Variants in ANKRD11 observed in about 807,000 individuals in gnomAD.
ANKRD11 encodes the protein ankyrin repeat domain 11.
ANKRD11 carries 17 observed loss-of-function variants against 195.7 expected under a neutral mutation model. That is an observed-to-expected ratio of 0.09 (90% confidence interval 0.06 to 0.13). The LOEUF (loss-of-function observed/expected upper bound fraction) is 0.13, where lower values mean the gene tolerates loss of function less well. Among genes scored for constraint, ANKRD11 ranks in the 10% least tolerant of loss-of-function variants. The pLI is 1.00. For missense variants in ANKRD11, 3,735 were observed against 3,566.1 expected (o/e 1.05, Z -1.21); for synonymous variants, 1,953 against 1,528.1 (o/e 1.28, Z -6.49).
chr16:89,288,201 G>A lies in ANKRD11; in HGVS notation c.744+327C>T, dbSNP rs866376932. On this transcript the variant is annotated intron_variant, in intron 7 of 12. Transcript: ENST00000301030. ...GGTCTAACAGTCCCACAGTGGTGACGGGGACCGGCAGCAACTCCTGCAGGC... is the reference window on the plus strand; with the variant it reads ...GGTCTAACAGTCCCACAGTGGTGACAGGGACCGGCAGCAACTCCTGCAGGC... 22 of 610,898 alleles carry A rather than the reference G, an allele frequency of 3.6e-5. 1 individual carries two copies. The Middle Eastern group carries it at 1.3e-3, about 36-fold the overall frequency. 37.8% of individuals were successfully genotyped at this position (610,898 alleles called of 1,614,324 possible).
intron 1 of ANKRD11, among the ~76,000 whole-genome samples, chr16:89,427,535 G>A (rs1228973032): frequency 1.3e-5 from 2 of 152,288 alleles, no homozygotes; most frequent in South Asian, 2.1e-4. Flanking sequence ...GGTGGCTCAC[G>A]CCTGTAATCA....
chr16:89,394,254 C>G (rs922304693), intron 2 of ANKRD11, among the ~76,000 whole-genome samples: 2 of 152,210 alleles, frequency 1.3e-5, no homozygotes, highest in African/African-American at 4.8e-5. Flanking sequence ...AGTGGTCTCC[C>G]ATGTCCCTGG....
intron 1 of ANKRD11, among the ~76,000 whole-genome samples, chr16:89,487,135 C>T (rs1392964206): frequency 6.6e-6 from 1 of 152,044 alleles, no homozygotes; most frequent in East Asian, 1.9e-4. Context: ...TCAAACGGGC[C>T]ACACTGAATT....
chr16:89,478,135 A>G (rs914159593), intron 1 of ANKRD11, among the ~76,000 whole-genome samples: 2 of 152,198 alleles, frequency 1.3e-5, no homozygotes, highest in African/African-American at 2.4e-5. Context: ...CACTTTCAGG[A>G]ACAGTTCCCA....
At chr16:89,296,592 TG>T (rs1249800774) in intron 4 of ANKRD11, among the ~76,000 whole-genome samples, 1 of 152,218 alleles carries the variant, frequency 6.6e-6, no homozygotes, top group East Asian at 1.9e-4. Flanking sequence ...TGATACTCCA[TG>T]GTTTTAACTC....
At chr16:89,413,744 G>A (rs1256944650) in intron 2 of ANKRD11, among the ~76,000 whole-genome samples, 3 of 152,208 alleles carry the variant, frequency 2.0e-5, no homozygotes, top group Non-Finnish European at 2.9e-5. Context: ...AGCATTCTAC[G>A]GCAGGACACA....
intron 1 of ANKRD11, among the ~76,000 whole-genome samples, chr16:89,484,223 T>C (rs930143826): frequency 2.6e-5 from 4 of 152,258 alleles, no homozygotes; most frequent in African/African-American, 4.8e-5. Context: ...TTTTTGGTTT[T>C]TTACTTTTAT....
At chr16:89,452,842 T>C (rs2044145755) in intron 1 of ANKRD11, among the ~76,000 whole-genome samples, 1 of 151,994 alleles carries the variant, frequency 6.6e-6, no homozygotes, top group Non-Finnish European at 1.5e-5. Context: ...GAGGTCCTAT[T>C]CCCCTCACTA....
chr16:89,381,355 G>A (rs1297527058), intron 2 of ANKRD11, among the ~76,000 whole-genome samples: 1 of 25,480 alleles, frequency 3.9e-5, no homozygotes, highest in Admixed American at 3.5e-4. Flanking sequence ...AAAAAAAAAA[G>A]GGGTGAGAAG....
At chr16:89,444,731 C>A (rs2043704454) in intron 1 of ANKRD11, among the ~76,000 whole-genome samples, 1 of 152,140 alleles carries the variant, frequency 6.6e-6, no homozygotes, top group Admixed American at 6.5e-5. Flanking sequence ...ATGGCATGAG[C>A]CCATGAGCTC....
rs1345009002 is a variant in ANKRD11, at chr16:89,490,543, C to T, written c.-443G>A. 10 of 455,742 alleles carry T rather than the reference C, an allele frequency of 2.2e-5. No homozygotes were observed. The Admixed American group carries it at 3.4e-4, about 16-fold the overall frequency. The allele number at this position is 455,742 out of a possible 1,614,324, so 28.2% of individuals were successfully genotyped here. ...GCTGGGGCCCTCGGTCCATCGCGCACCGTCTCAGGGCGGCCTCTGGCTCCA... is the reference window on the plus strand; with the variant it reads ...GCTGGGGCCCTCGGTCCATCGCGCATCGTCTCAGGGCGGCCTCTGGCTCCA... On this transcript the variant is annotated 5_prime_UTR_variant, in exon 1 of 13. In the 5' UTR this introduces an upstream ATG that the reference lacks. Coordinates refer to ENST00000301030, the MANE Select transcript of ANKRD11 (RefSeq NM_013275.6).
intron 2 of ANKRD11, among the ~76,000 whole-genome samples, chr16:89,327,212 G>A (rs971349796): frequency 1.3e-5 from 2 of 152,166 alleles, no homozygotes; most frequent in Non-Finnish European, 2.9e-5. Flanking sequence ...ACAAGCTAAA[G>A]AAGAAACACC....
At chr16:89,304,545 A>G (rs1414862969) in intron 4 of ANKRD11, among the ~76,000 whole-genome samples, 2 of 148,392 alleles carry the variant, frequency 1.3e-5, no homozygotes, top group Non-Finnish European at 3.0e-5. Context: ...GGTACACACA[A>G]GCACATACAC....
At chr16:89,277,376 G>A (rs1481853402) in intron 9 of ANKRD11, 1 of 152,278 alleles carries the variant, frequency 6.6e-6, no homozygotes, top group East Asian at 1.9e-4. Context: ...CTAGGTCTGG[G>A]GGGTACTCAA....
intron 1 of ANKRD11, among the ~76,000 whole-genome samples, chr16:89,424,435 C>T (rs1334637370): frequency 8.9e-6 from 1 of 112,066 alleles, no homozygotes; most frequent in African/African-American, 3.5e-5. Context: ...GAGCAAAACT[C>T]TGTCTCAAAA....
chr16:89,281,146 G>A lies in ANKRD11; in HGVS notation c.5396C>T (p.Pro1799Leu). 1.2e-6 allele frequency: 2 copies of A among 1,613,852 alleles called. No individual in the cohort carries two copies. Among genetic ancestry groups the A allele is most frequent in the Non-Finnish European group, 1.7e-6 (2 of 1,179,740 alleles). ...GTCTCCGACGCTGAATTCTTCCTCGGGGGTCCTCCTAATGTCGACAGAGAC... is the reference window on the plus strand; with the variant it reads ...GTCTCCGACGCTGAATTCTTCCTCGAGGGTCCTCCTAATGTCGACAGAGAC... The part of the protein sequence containing the change: ...RSVSVDIRRT[P>L]EEEFSVGDKL... Residue 1799 changes from proline to leucine, a missense_variant, in exon 9 of 13, where the codon CCC (proline) becomes CTC (leucine). Physicochemically the swap from Pro to Leu is moderately conservative, Grantham distance 98. Transcript: ENST00000301030. This position sits in a 1 kb window ranked among gnomAD's most constrained non-coding sequence, Gnocchi z 5.5.
intron 3 of ANKRD11, among the ~76,000 whole-genome samples, chr16:89,310,470 A>C (rs756167967): frequency 2.0e-5 from 3 of 152,168 alleles, no homozygotes; most frequent in Non-Finnish European, 4.4e-5. Context: ...ATGAATTTCT[A>C]CCCAAAAAAG....
intron 1 of ANKRD11, among the ~76,000 whole-genome samples, chr16:89,447,560 G>A (rs1451958369): frequency 6.6e-6 from 1 of 152,020 alleles, no homozygotes; most frequent in African/African-American, 2.4e-5. Flanking sequence ...CCCTGCTGTG[G>A]TCCACAATCC....
chr16:89,471,702 T>C (rs1474119265), intron 1 of ANKRD11, among the ~76,000 whole-genome samples: 1 of 145,670 alleles, frequency 6.9e-6, no homozygotes, highest in Admixed American at 7.1e-5. Context: ...GGAGAGTTGC[T>C]TGAACTCAGG....
Sources: allele counts gnomAD v4.1 joint callset (sites outside exome capture counted in the v4.1 genomes callset), GRCh38; gene constraint gnomAD v4.1.1; non-coding constraint Gnocchi (gnomAD v3.1); transcripts MANE v1.5; gene names NCBI Gene and HGNC (gene_info 2026-07-23, HGNC 2026-07-21).